The following XXYLT1 variants were observed in gnomAD, a reference collection of about 807,000 sequenced individuals.
XXYLT1 encodes xyloside xylosyltransferase 1.
In XXYLT1, 20 loss-of-function variants were observed where a neutral mutation model predicts 28.9. The ratio of observed to expected loss-of-function variants is 0.69; its 90% CI spans 0.49 to 1.00. XXYLT1 has a LOEUF of 1.00. XXYLT1 is among the 50% of genes least tolerant of loss of function. XXYLT1 has a pLI of 0.00. For synonymous variants in XXYLT1, 257 were observed against 253.8 expected, an observed-to-expected ratio of 1.01 and a Z score of -0.12; for missense variants, 542 against 560.1, an observed-to-expected ratio of 0.97 and a Z score of 0.33.
At chr3:195,213,438 AT>A (rs1196514254) in intron 2 of XXYLT1, among the ~76,000 whole-genome samples, 13 of 151,772 alleles carry the variant, frequency 8.6e-5, no homozygotes, top group Admixed American at 8.5e-4. Context: ...CTAATTTTGT[AT>A]TTTTAGTAGA....
chr3:195,218,935 A>G (rs1723697952), intron 2 of XXYLT1, among the ~76,000 whole-genome samples: 1 of 151,848 alleles, frequency 6.6e-6, no homozygotes, highest in South Asian at 2.1e-4. Context: ...ACAATGATAG[A>G]CTGGATTAAG....
intron 3 of XXYLT1, among the ~76,000 whole-genome samples, chr3:195,131,917 T>A (rs1718926345): frequency 6.6e-6 from 1 of 152,192 alleles, no homozygotes; most frequent in Non-Finnish European, 1.5e-5. Flanking sequence ...CCTGAGGGCC[T>A]CAGTGAAGAG....
chr3:195,244,784 AC>A (rs1170251065), intron 1 of XXYLT1, among the ~76,000 whole-genome samples: 20 of 148,220 alleles, frequency 1.3e-4, no homozygotes, highest in African/African-American at 3.0e-4. Flanking sequence ...AAAAAAAAAA[AC>A]ATGTTTCATT....
intron 2 of XXYLT1, among the ~76,000 whole-genome samples, chr3:195,164,337 G>A (rs917739034): frequency 1.3e-5 from 2 of 152,174 alleles, no homozygotes; most frequent in African/African-American, 2.4e-5. Flanking sequence ...CTGTGTTTCC[G>A]CATGGACTCT....
intron 3 of XXYLT1, among the ~76,000 whole-genome samples, chr3:195,075,357 A>G (rs78982857): frequency 0.014 from 2,185 of 152,050 alleles, 22 homozygotes; most frequent in Non-Finnish European, 0.019. Context: ...AGACTGAGGG[A>G]CTCCTGGTTC....
chr3:195,164,934 G>T (rs1224726435), intron 2 of XXYLT1, among the ~76,000 whole-genome samples: 4 of 152,090 alleles, frequency 2.6e-5, no homozygotes, highest in African/African-American at 9.7e-5. Flanking sequence ...GTTTCTTGGT[G>T]GTGAAATGTG....
chr3:195,223,881 G>C (rs1723932911), intron 2 of XXYLT1, among the ~76,000 whole-genome samples: 1 of 152,228 alleles, frequency 6.6e-6, no homozygotes, highest in Non-Finnish European at 1.5e-5. Flanking sequence ...TTGCTGCCGG[G>C]CGCGGTGGCT....
In XXYLT1 at chr3:195,210,020, G is replaced by A. The variant is rs1723242902; in HGVS notation, c.652+16689C>T. ...GGCGGCTTGGCAAACACACCAGAGG[G>A]ACACACAGGGATCTGACACCATCTG... On this transcript the variant is annotated intron_variant, in intron 2 of 3. Transcript: ENST00000310380. This position sits in a 1 kb window ranked among gnomAD's most constrained non-coding sequence, Gnocchi z 4.8. Among the ~76,000 whole-genome samples the A allele has an allele frequency of 1.3e-5, 2 of 152,182 alleles. No individual in the cohort carries two copies. The highest frequency in any genetic ancestry group is 4.8e-5 in the African/African-American group (2 of 41,448).
At chr3:195,118,041 T>TATGA (rs1262231665) in intron 3 of XXYLT1, among the ~76,000 whole-genome samples, 1 of 152,200 alleles carries the variant, frequency 6.6e-6, no homozygotes, top group Admixed American at 6.5e-5. Context: ...TCCTGCCCCC[T>TATGA]AGAGCCACAA....
intron 1 of XXYLT1, among the ~76,000 whole-genome samples, chr3:195,238,920 G>A (rs1724665888): frequency 6.6e-6 from 1 of 152,182 alleles, no homozygotes; most frequent in Non-Finnish European, 1.5e-5. Flanking sequence ...CATACACGCA[G>A]AGCAGGGCTG....
chr3:195,187,593 C>T (rs1435370522), intron 2 of XXYLT1, among the ~76,000 whole-genome samples: 2 of 152,188 alleles, frequency 1.3e-5, no homozygotes, highest in Non-Finnish European at 2.9e-5. Context: ...CTGAAACATA[C>T]AGAAGGGGAA....
intron 3 of XXYLT1, among the ~76,000 whole-genome samples, chr3:195,072,789 AC>A (rs2108636812): frequency 6.6e-6 from 1 of 152,266 alleles, no homozygotes; most frequent in African/African-American, 2.4e-5. Context: ...CCCCAAATGA[AC>A]CCAGAAAGAC....
At chr3:195,086,832 G>C (rs780625745) in intron 3 of XXYLT1, among the ~76,000 whole-genome samples, 1 of 152,128 alleles carries the variant, frequency 6.6e-6, no homozygotes, top group Non-Finnish European at 1.5e-5. Flanking sequence ...AGGTGATGAA[G>C]GGGGACAAAG....
intron 2 of XXYLT1, among the ~76,000 whole-genome samples, chr3:195,178,667 T>C (rs933262664): frequency 6.6e-6 from 1 of 152,170 alleles, no homozygotes; most frequent in Non-Finnish European, 1.5e-5. Context: ...TGCCCAGCTC[T>C]GAAGCACGGT....
At chr3:195,234,320 T>TTC (rs1724435974) in intron 1 of XXYLT1, among the ~76,000 whole-genome samples, 1 of 133,810 alleles carries the variant, frequency 7.5e-6, no homozygotes, top group African/African-American at 2.8e-5. Flanking sequence ...TTTTTTTTTT[T>TTC]TTTTTTTTTT....
Position 195,229,091 on chromosome 3 carries a change from T to A in XXYLT1, c.505-2235A>T, listed in dbSNP as rs114733597. On this transcript the variant is annotated intron_variant, in intron 1 of 3. Coordinates refer to ENST00000310380, the MANE Select transcript of XXYLT1 (RefSeq NM_152531.5). ...GCCTCCCAAAGTGTTGGATTACAGG[T>A]ATGAGCCACCGCGCCCGGCCTGTAT... is the stretch of plus-strand genomic sequence containing the variant. Among the ~76,000 whole-genome samples, 153 of 152,204 alleles carry A rather than the reference T, an allele frequency of 1.0e-3. 1 individual carries two copies. Among genetic ancestry groups the A allele is most frequent in the African/African-American group, 3.5e-3 (147 of 41,510 alleles).
intron 3 of XXYLT1, among the ~76,000 whole-genome samples, chr3:195,130,231 C>T (rs1469443367): frequency 3.3e-5 from 5 of 152,220 alleles, no homozygotes; most frequent in Non-Finnish European, 5.9e-5. Flanking sequence ...CCAGCATGCC[C>T]ACCAACAGGT....
chr3:195,262,773 T>G (rs1452843161), intron 1 of XXYLT1, among the ~76,000 whole-genome samples: 2 of 152,222 alleles, frequency 1.3e-5, no homozygotes, highest in African/African-American at 4.8e-5. Flanking sequence ...CTTAGATCTG[T>G]GATCATAAAG....
rs913301960 is a variant in XXYLT1 at position 195,180,420 on chromosome 3, G to A, written c.653-23839C>T. The A allele has an allele frequency of 6.1e-6, 6 of 985,588 alleles. No individual in the cohort carries two copies. The highest frequency in any genetic ancestry group is 1.1e-4 in the East Asian group (1 of 8,828). The allele number at this position is 985,588 out of a possible 1,614,324, so 61.1% of individuals were successfully genotyped here. On this transcript the variant is annotated intron_variant, in intron 2 of 3. Coordinates refer to ENST00000310380, the MANE Select transcript of XXYLT1 (RefSeq NM_152531.5). This position sits in a 1 kb window ranked among gnomAD's most constrained non-coding sequence, Gnocchi z 5.8. ...TTCGGCTGCAGCCTCGCCGATTCCC[G>A]AGCTGTTTCCTGCTGCTTTTCTCAT...
Sources: allele counts gnomAD v4.1 joint callset (sites outside exome capture counted in the v4.1 genomes callset), GRCh38; gene constraint gnomAD v4.1.1; non-coding constraint Gnocchi (gnomAD v3.1); transcripts MANE v1.5; gene names NCBI Gene and HGNC (gene_info 2026-07-23, HGNC 2026-07-21).